The following PIGN variants were observed in gnomAD, a reference collection of about 807,000 sequenced individuals.
The protein encoded by PIGN is phosphatidylinositol glycan anchor biosynthesis class N.
PIGN carries 117 observed loss-of-function variants against 125.4 expected under a neutral mutation model. That is an observed-to-expected ratio of 0.93 (90% confidence interval 0.80 to 1.09). The LOEUF (loss-of-function observed/expected upper bound fraction) is 1.09. Ranked by LOEUF, PIGN falls within the 50% of genes least tolerant of loss-of-function variation. The pLI is 0.00. For synonymous variants in PIGN, 392 were observed against 377.8 expected (o/e 1.04, Z -0.44); for missense variants, 1,075 against 1,094.9 (o/e 0.98, Z 0.26).
chr18:62,040,654 T>C (rs9944550), downstream of PIGN, among the ~76,000 whole-genome samples: 52,443 of 152,130 alleles, frequency 0.34, 10,078 homozygotes, highest in East Asian at 0.7. Flanking sequence ...TAGGACATGA[T>C]AAGCAAACAT....
intron 2 of PIGN, 26 bp from the exon 3 acceptor site, chr18:62,162,355 G>A (rs2036984080): frequency 6.6e-6 from 1 of 152,004 alleles, no homozygotes; most frequent in East Asian, 1.9e-4. Context: ...AAAAAAAAAA[G>A]TATTGGAACT....
rs1475802323 is a variant in PIGN, at chr18:62,065,602, G to A, written c.2672+7071C>T. Among the ~76,000 whole-genome samples the A allele has an allele frequency of 2.6e-5, 4 of 152,078 alleles. No homozygotes were observed. In the South Asian group the frequency reaches 8.3e-4, roughly 32 times the overall value. ...AAATACAAAAAAATTAGCCGGGCGA[G>A]GTGGTGGGCGCCTGTAGTCCCAGCT... On this transcript the variant is annotated intron_variant, in intron 30 of 30. Coordinates refer to ENST00000640252, the MANE Select transcript of PIGN (RefSeq NM_176787.5).
intron 23 of PIGN, among the ~76,000 whole-genome samples, chr18:62,019,747 T>G (rs1477062771): frequency 6.6e-6 from 1 of 152,252 alleles, no homozygotes; most frequent in African/African-American, 2.4e-5. Context: ...TAACTGATAC[T>G]GGCCTAGCCC....
intron 13 of PIGN, among the ~76,000 whole-genome samples, chr18:62,138,600 A>G (rs1455889583): frequency 6.6e-6 from 1 of 152,230 alleles, no homozygotes; most frequent in Non-Finnish European, 1.5e-5. Context: ...ATTAAGAATA[A>G]CAGAAGGTTT....
At chr18:62,122,096 T>C (rs575771028) in intron 14 of PIGN, among the ~76,000 whole-genome samples, 318 of 152,114 alleles carry the variant, frequency 2.1e-3, no homozygotes, top group African/African-American at 7.3e-3. Context: ...ATAACACAGT[T>C]TGATAGAAGA....
rs2144972495 is a variant in PIGN, at chr18:62,044,952, A to C, written c.*904T>G. On this transcript the variant is annotated 3_prime_UTR_variant, in exon 31 of 31. Coordinates refer to ENST00000640252, the MANE Select transcript of PIGN (RefSeq NM_176787.5). The stretch of plus-strand genomic sequence containing the variant: ...TAGGCCTTTGTGCTAGAATCTCACA[A>C]CCAGAAAGAATAACACCTTTAATAT... 6.6e-6 allele frequency: 1 copy of C among 152,280 alleles called. No individual in the cohort carries two copies. Among genetic ancestry groups the C allele is most frequent in the East Asian group, 1.9e-4 (1 of 5,182 alleles). 9.4% of individuals were successfully genotyped at this position (152,280 alleles called of 1,614,324 possible). A position where few individuals can be genotyped will look rare whatever the true frequency, so the allele number is the denominator to read the frequency against.
chr18:62,149,233 G>A (rs1026411061), intron 7 of PIGN, among the ~76,000 whole-genome samples: 1 of 151,820 alleles, frequency 6.6e-6, no homozygotes, highest in Non-Finnish European at 1.5e-5. Flanking sequence ...AACACAAATG[G>A]TGCAATTAGA....
intron 10 of PIGN, among the ~76,000 whole-genome samples, chr18:62,145,018 G>T (rs989301728): frequency 1.5e-5 from 2 of 133,360 alleles, no homozygotes. Context: ...CGGGGGGGGG[G>T]GGGCAGGGTG....
chr18:62,186,807 C>G (rs1365172601), intron 1 of PIGN, 37 bp downstream of exon 1: 1 of 152,280 alleles, frequency 6.6e-6, no homozygotes, highest in Non-Finnish European at 1.5e-5. Flanking sequence ...ACAGTTTGGG[C>G]GCCGACACCC....
chr18:62,121,548 A>G (rs2035305281), intron 14 of PIGN, among the ~76,000 whole-genome samples: 1 of 152,138 alleles, frequency 6.6e-6, no homozygotes, highest in African/African-American at 2.4e-5. Context: ...AATTCTATTT[A>G]TCTGAATGGA....
In PIGN at chr18:62,035,829, T is replaced by A. The variant is rs183952392; in HGVS notation, c.2143-18088A>T. Among the ~76,000 whole-genome samples the A allele has an allele frequency of 9.2e-5, 14 of 152,270 alleles. No individual in the cohort carries two copies. In the East Asian group the frequency reaches 2.7e-3, roughly 29 times the overall value. ...TATATTTCTAATTTCATCAAGTATG[T>A]CAGGAACATAATCAGATTTAGAGTG... On this transcript the variant is annotated intron_variant, in intron 23 of 24. Transcript: ENST00000639600.
chr18:62,076,629 T>C (rs549620401), intron 28 of PIGN, among the ~76,000 whole-genome samples: 1 of 152,340 alleles, frequency 6.6e-6, no homozygotes, highest in African/African-American at 2.4e-5. Context: ...CTGTGGTCCA[T>C]TTTGAGTTAA....
At chr18:62,102,710 T>C (rs1046663834) in intron 21 of PIGN, 84 bp downstream of exon 21, 1 of 642,928 alleles carries the variant, frequency 1.6e-6, no homozygotes, top group Non-Finnish European at 2.6e-6. Flanking sequence ...GGTAATGGCA[T>C]TTTATGAACA....
intron 3 of PIGN, among the ~76,000 whole-genome samples, chr18:62,162,005 C>T (rs2036970503): frequency 6.6e-6 from 1 of 151,968 alleles, no homozygotes. Context: ...TTCATCTGTG[C>T]TTCAGAAAAT....
intron 23 of PIGN, among the ~76,000 whole-genome samples, chr18:62,093,912 A>G (rs150219624): frequency 1.3e-5 from 2 of 152,142 alleles, no homozygotes; most frequent in Non-Finnish European, 2.9e-5. Flanking sequence ...ATTTCAAGAT[A>G]CTCTTTTTAA....
intron 30 of PIGN, among the ~76,000 whole-genome samples, chr18:62,050,764 T>C (rs970675745): frequency 4.8e-4 from 73 of 152,176 alleles, no homozygotes; most frequent in African/African-American, 1.7e-3. Flanking sequence ...AGAGAGGGCA[T>C]CCCTGTCTTG....
chr18:62,025,767 G>A (rs1279535293), intron 23 of PIGN, among the ~76,000 whole-genome samples: 1 of 152,092 alleles, frequency 6.6e-6, no homozygotes, highest in Non-Finnish European at 1.5e-5. Flanking sequence ...CAGTGTCTAA[G>A]CAGGAATATC....
At chr18:62,151,580 T>C (rs1207391704) in intron 7 of PIGN, among the ~76,000 whole-genome samples, 2 of 152,128 alleles carry the variant, frequency 1.3e-5, no homozygotes, top group African/African-American at 2.4e-5. Flanking sequence ...AAGGGAAGAA[T>C]CATGGAAAGC....
chr18:62,095,894 T>C lies in PIGN; in HGVS notation c.2134A>G (p.Ser712Gly), dbSNP rs2034160973. Residue 712 changes from serine to glycine, a missense_variant, in exon 23 of 31, where the codon AGC becomes GGC. Transcript: ENST00000640252. ...GTTGACATCAATGAAAGAAGTATGCTGAACAATCGCTGAAAGAGAACTGGA... is the reference window on the plus strand; with the variant it reads ...GTTGACATCAATGAAAGAAGTATGCCGAACAATCGCTGAAAGAGAACTGGA... ...SSPVLFQRLFSILLSLMSTYL... is the reference protein window; with the variant it reads ...SSPVLFQRLFGILLSLMSTYL... The C allele has an allele frequency of 1.9e-6, 3 of 1,613,384 alleles. No homozygotes were observed. The highest frequency in any genetic ancestry group is 1.3e-5 in the African/African-American group (1 of 75,008).
Sources: gnomAD v4.1 joint callset for allele counts (sites outside exome capture counted in the v4.1 genomes callset) on GRCh38, gnomAD v4.1.1 for gene constraint, MANE v1.5 for transcripts, NCBI Gene and HGNC (gene_info 2026-07-23, HGNC 2026-07-21) for gene names.